Variants in AKAP6 observed in about 807,000 individuals in gnomAD.
AKAP6 encodes the protein A-kinase anchor protein 6.
A neutral mutation model predicts 188.5 loss-of-function variants in AKAP6; 58 were observed. The observed-to-expected ratio is 0.31, with a 90% CI of 0.25 to 0.38. The LOEUF (loss-of-function observed/expected upper bound fraction) is 0.38, where lower values mean the gene tolerates loss of function less well. Among genes scored for constraint, AKAP6 ranks in the 10% least tolerant of loss-of-function variants. The pLI, the probability that AKAP6 is intolerant of heterozygous loss-of-function variation, is 1.00. For missense variants in AKAP6, 2,710 were observed against 2,740.0 expected, an observed-to-expected ratio of 0.99 and a Z score of 0.24; for synonymous variants, 989 against 998.6, an observed-to-expected ratio of 0.99 and a Z score of 0.18.
chr14:32,357,786 A>T (rs1887530670), intron 1 of AKAP6, among the ~76,000 whole-genome samples: 1 of 152,182 alleles, frequency 6.6e-6, no homozygotes, highest in Non-Finnish European at 1.5e-5. Flanking sequence ...AAGTCACACT[A>T]ATTTGCAAAT....
chr14:32,606,829 A>G (rs1026141545), intron 7 of AKAP6, among the ~76,000 whole-genome samples: 1 of 152,214 alleles, frequency 6.6e-6, no homozygotes, highest in Non-Finnish European at 1.5e-5. Context: ...ATAACAGAAC[A>G]GCAAGCTTAA....
rs551068793 is a variant in AKAP6 at position 32,679,883 on chromosome 14, G to T, written c.2879+1424G>T. 2.6e-5 allele frequency among the ~76,000 whole-genome samples: 4 copies of T among 152,288 alleles called. 1 individual carries two copies. In the South Asian group the frequency reaches 8.3e-4, roughly 32 times the overall value. ...CATAGCAGCAAATAAGAAAGAAAAG[G>T]TTAAATCTTGAAGCATGAACAATAA... is the stretch of plus-strand genomic sequence containing the variant. On this transcript the variant is annotated intron_variant, in intron 8 of 13. Coordinates refer to ENST00000280979, the MANE Select transcript of AKAP6 (RefSeq NM_004274.5).
chr14:32,525,503 A>C (rs1042723337), intron 2 of AKAP6, among the ~76,000 whole-genome samples: 3 of 152,172 alleles, frequency 2.0e-5, no homozygotes, highest in South Asian at 2.1e-4. Flanking sequence ...AATGCTTCCA[A>C]GACTGTATTC....
At chr14:32,755,402 C>A (rs868596858) in intron 11 of AKAP6, among the ~76,000 whole-genome samples, 3 of 151,382 alleles carry the variant, frequency 2.0e-5, no homozygotes, top group South Asian at 2.1e-4. Context: ...GTATTGCTTA[C>A]CAGATTTTGT....
At chr14:32,532,203 C>T (rs150064485) in intron 2 of AKAP6, among the ~76,000 whole-genome samples, 108 of 152,238 alleles carry the variant, frequency 7.1e-4, no homozygotes, top group Non-Finnish European at 1.2e-3. Flanking sequence ...ACTGGTATCT[C>T]ATTGTGGTTT....
chr14:32,744,613 G>A lies in AKAP6; in HGVS notation c.3372+8731G>A, dbSNP rs369559989. ...ATTACAGGCATGAGCCACTGCACCCGGTCCTTGGTATAATATTCTTGTACT... is the reference window on the plus strand; with the variant it reads ...ATTACAGGCATGAGCCACTGCACCCAGTCCTTGGTATAATATTCTTGTACT... On this transcript the variant is annotated intron_variant, in intron 11 of 13. Coordinates refer to ENST00000280979, the MANE Select transcript of AKAP6 (RefSeq NM_004274.5). Among the ~76,000 whole-genome samples the A allele has an allele frequency of 4.9e-4, 75 of 152,170 alleles. No individual in the cohort carries two copies. In the South Asian group the frequency reaches 0.012, roughly 24 times the overall value.
At chr14:32,687,904 A>G (rs1489737081) in intron 8 of AKAP6, among the ~76,000 whole-genome samples, 1 of 152,150 alleles carries the variant, frequency 6.6e-6, no homozygotes, top group Admixed American at 6.6e-5. Context: ...AAATCTTACC[A>G]GTAGAAATGT....
At chr14:32,354,047 A>G (rs1298579657) in intron 1 of AKAP6, among the ~76,000 whole-genome samples, 5 of 152,210 alleles carry the variant, frequency 3.3e-5, no homozygotes, top group Non-Finnish European at 1.5e-5. Flanking sequence ...GGTAATTTAT[A>G]GATTCAATGC....
At chr14:32,444,523 T>C (rs1890696676) in intron 2 of AKAP6, among the ~76,000 whole-genome samples, 1 of 152,226 alleles carries the variant, frequency 6.6e-6, no homozygotes, top group Non-Finnish European at 1.5e-5. Context: ...AAGCTGCTTC[T>C]ATTGTTCTGT....
In AKAP6 at chr14:32,835,390, G is replaced by T. The variant is rs1457021109; in HGVS notation, c.*5585G>T. On this transcript the variant is annotated 3_prime_UTR_variant, in exon 14 of 14. Coordinates refer to ENST00000280979, the MANE Select transcript of AKAP6 (RefSeq NM_004274.5). ...CAGTTTGTTTAAGGATTTAAATTTA[G>T]TTCACTATTACTGCCTGGCTTTGAT... is the stretch of plus-strand genomic sequence containing the variant. The T allele has an allele frequency of 6.6e-6, 1 of 151,960 alleles. No individual in the cohort carries two copies. The highest frequency in any genetic ancestry group is 1.5e-5 in the Non-Finnish European group (1 of 68,000). 9.4% of individuals were successfully genotyped at this position (151,960 alleles called of 1,614,324 possible).
chr14:32,338,066 G>GT (rs1445702194), intron 1 of AKAP6, among the ~76,000 whole-genome samples: 3 of 151,854 alleles, frequency 2.0e-5, no homozygotes, highest in East Asian at 1.9e-4. Flanking sequence ...TGTTTGTTTG[G>GT]TTTTTTGTTG....
intron 4 of AKAP6, among the ~76,000 whole-genome samples, chr14:32,572,916 A>T (rs1884553375): frequency 6.6e-6 from 1 of 152,154 alleles, no homozygotes; most frequent in Admixed American, 6.6e-5. Context: ...CTTCTGTTTG[A>T]TGACCAGGAT....
At chr14:32,486,531 C>T (rs192775448) in intron 2 of AKAP6, among the ~76,000 whole-genome samples, 22 of 152,330 alleles carry the variant, frequency 1.4e-4, no homozygotes, top group African/African-American at 5.3e-4. Context: ...AGATCCTTCA[C>T]ATCCCTTGTA....
intron 8 of AKAP6, among the ~76,000 whole-genome samples, chr14:32,683,803 A>G (rs111679127): frequency 6.6e-6 from 1 of 152,246 alleles, no homozygotes; most frequent in African/African-American, 2.4e-5. Flanking sequence ...CTGTGTGGAG[A>G]ACAGATTGGT....
intron 2 of AKAP6, among the ~76,000 whole-genome samples, chr14:32,485,740 A>C (rs915395551): frequency 1.7e-4 from 26 of 152,218 alleles, no homozygotes; most frequent in Non-Finnish European, 3.4e-4. Flanking sequence ...ATAGATTGCA[A>C]AATTTTTCTC....
chr14:32,724,185 G>A (rs1038489055), intron 9 of AKAP6, among the ~76,000 whole-genome samples: 6 of 151,834 alleles, frequency 4.0e-5, no homozygotes, highest in African/African-American at 1.5e-4. Context: ...GATCATTGAC[G>A]TTAGTATAAT....
chr14:32,774,264 A>C (rs1014415253), intron 12 of AKAP6, among the ~76,000 whole-genome samples: 1 of 152,252 alleles, frequency 6.6e-6, no homozygotes, highest in Non-Finnish European at 1.5e-5. Context: ...TAACCCATGA[A>C]TATTTTGCTA....
intron 7 of AKAP6, among the ~76,000 whole-genome samples, chr14:32,658,440 G>C (rs759941876): frequency 3.3e-5 from 5 of 151,994 alleles, no homozygotes; most frequent in Non-Finnish European, 5.9e-5. Context: ...TACAACCTTG[G>C]AGAAAAATAA....
rs548818427 is a variant in AKAP6 at position 32,612,232 on chromosome 14, T to C, written c.2730+11440T>C. Among the ~76,000 whole-genome samples, 3 of 152,304 alleles carry C rather than the reference T, an allele frequency of 2.0e-5. No homozygotes were observed. In the South Asian group the frequency reaches 6.2e-4, roughly 32 times the overall value. On this transcript the variant is annotated intron_variant, in intron 7 of 13. Transcript: ENST00000280979. Reference sequence around the variant, plus strand: ...TCGTGGTTTTGAATTTCTGTTTATATCTTTCATAATTAACTTTTCAAGTGA... The same window carrying C: ...TCGTGGTTTTGAATTTCTGTTTATACCTTTCATAATTAACTTTTCAAGTGA...
Sources: gnomAD v4.1 joint callset for allele counts (sites outside exome capture counted in the v4.1 genomes callset) on GRCh38, gnomAD v4.1.1 for gene constraint, MANE v1.5 for transcripts, NCBI Gene and HGNC (gene_info 2026-07-23, HGNC 2026-07-21) for gene names.